Variants in ST6GAL1 observed in about 807,000 individuals in gnomAD.
The protein encoded by ST6GAL1 is beta-galactoside alpha-2,6-sialyltransferase 1.
In ST6GAL1, 20 loss-of-function variants were observed where a neutral mutation model predicts 38.0. That is an observed-to-expected ratio of 0.53 (90% CI 0.37 to 0.77). The LOEUF (loss-of-function observed/expected upper bound fraction) is 0.77, where lower values mean the gene tolerates loss of function less well. Among genes scored for constraint, ST6GAL1 ranks in the 30% least tolerant of loss-of-function variants. ST6GAL1 has a pLI of 0.00. For synonymous variants in ST6GAL1, 196 were observed against 188.2 expected (o/e 1.04, Z -0.34); for missense variants, 432 against 496.4 (o/e 0.87, Z 1.23).
chr3:187,008,902 T>G (rs1355147615), intron 2 of ST6GAL1, among the ~76,000 whole-genome samples: 4 of 152,184 alleles, frequency 2.6e-5, no homozygotes, highest in African/African-American at 9.7e-5. Flanking sequence ...CATAACATAT[T>G]TAAATATTCC....
intron 2 of ST6GAL1, among the ~76,000 whole-genome samples, chr3:187,005,872 A>C (rs561497763): frequency 2.0e-4 from 30 of 152,300 alleles, no homozygotes; most frequent in African/African-American, 6.5e-4. Context: ...GGAAGGACCG[A>C]CCAACAGGGT....
chr3:186,955,134 T>C (rs1714704583), intron 1 of ST6GAL1, among the ~76,000 whole-genome samples: 1 of 152,216 alleles, frequency 6.6e-6, no homozygotes, highest in Non-Finnish European at 1.5e-5. Flanking sequence ...AAAGATCAGA[T>C]GGTTATAGAT....
intron 2 of ST6GAL1, among the ~76,000 whole-genome samples, chr3:187,018,263 AG>A (rs1431635831): frequency 4.6e-5 from 7 of 152,060 alleles, no homozygotes; most frequent in Non-Finnish European, 7.4e-5. Context: ...TTGCCTAGTT[AG>A]GGGCTGTTGG....
chr3:187,039,487 G>C (rs529265557), intron 3 of ST6GAL1, among the ~76,000 whole-genome samples: 3 of 152,196 alleles, frequency 2.0e-5, no homozygotes, highest in Non-Finnish European at 4.4e-5. Flanking sequence ...AAGGGGAGCA[G>C]GGATAGTGCG....
chr3:186,963,133 C>T (rs901819450), intron 1 of ST6GAL1, among the ~76,000 whole-genome samples: 4 of 152,070 alleles, frequency 2.6e-5, no homozygotes, highest in Non-Finnish European at 4.4e-5. Flanking sequence ...AACAAATGCC[C>T]TCTATTCAGG....
At chr3:186,931,841 C>G (rs998286988) in intron 1 of ST6GAL1, among the ~76,000 whole-genome samples, 1 of 152,218 alleles carries the variant, frequency 6.6e-6, no homozygotes, top group Non-Finnish European at 1.5e-5. Flanking sequence ...TGGGGACGTA[C>G]AATTTTCAGT....
chr3:186,997,716 C>T (rs1338810073), intron 2 of ST6GAL1, among the ~76,000 whole-genome samples: 1 of 151,216 alleles, frequency 6.6e-6, no homozygotes, highest in Admixed American at 6.6e-5. Context: ...GCAACGGAAT[C>T]ATTGCGCTCC....
chr3:186,968,808 A>G (rs923238500), intron 2 of ST6GAL1, among the ~76,000 whole-genome samples: 2 of 152,202 alleles, frequency 1.3e-5, no homozygotes, highest in Non-Finnish European at 2.9e-5. Flanking sequence ...TCATTTGTGG[A>G]AAAAAATGTT....
At chr3:187,015,755 G>C (rs957710112) in intron 2 of ST6GAL1, among the ~76,000 whole-genome samples, 3 of 152,046 alleles carry the variant, frequency 2.0e-5, no homozygotes, top group African/African-American at 7.2e-5. Flanking sequence ...GGGAGGATTG[G>C]TGGAGGCTGG....
At chr3:187,006,000 G>A (rs1456410295) in intron 2 of ST6GAL1, 2 of 152,342 alleles carry the variant, frequency 1.3e-5, no homozygotes, top group African/African-American at 4.8e-5. Flanking sequence ...TGCAAGTGGG[G>A]TGAGCCAACC....
At chr3:187,067,178 C>T (rs1226131205) in intron 5 of ST6GAL1, among the ~76,000 whole-genome samples, 20 of 145,808 alleles carry the variant, frequency 1.4e-4, no homozygotes, top group African/African-American at 4.8e-4. Context: ...CCTCTGCCTC[C>T]GGGGTTCAAG....
Position 186,947,646 on chromosome 3 carries a change from A to T in ST6GAL1, c.-324-16139A>T, listed in dbSNP as rs759719017. ...AGGTAAATTTTTAGGTAAATATAAG[A>T]GCCTACATGATGGTCCAGACTCCAC... On this transcript the variant is annotated intron_variant, in intron 1 of 7. Transcript: ENST00000169298. 2.1e-4 allele frequency among the ~76,000 whole-genome samples: 32 copies of T among 152,330 alleles called. No individual in the cohort carries two copies. In the Middle Eastern group the frequency reaches 0.01, roughly 49 times the overall value.
intron 2 of ST6GAL1, among the ~76,000 whole-genome samples, chr3:187,005,410 G>A (rs1216931000): frequency 1.3e-5 from 2 of 151,750 alleles, no homozygotes; most frequent in African/African-American, 4.8e-5. Flanking sequence ...CCGGTAGCTG[G>A]GACTACAGGT....
At chr3:187,016,085 A>G (rs958223008) in intron 2 of ST6GAL1, among the ~76,000 whole-genome samples, 1 of 152,200 alleles carries the variant, frequency 6.6e-6, no homozygotes, top group Non-Finnish European at 1.5e-5. Flanking sequence ...GGAGGCAATC[A>G]CAGTCACTTT....
intron 2 of ST6GAL1, among the ~76,000 whole-genome samples, chr3:186,988,968 A>G (rs1417899391): frequency 1.3e-5 from 2 of 152,096 alleles, no homozygotes; most frequent in Non-Finnish European, 2.9e-5. Flanking sequence ...AAAAAAGGCT[A>G]GTGCACCTGA....
At chr3:187,042,306 C>A (rs1718151441) in intron 3 of ST6GAL1, among the ~76,000 whole-genome samples, 1 of 151,800 alleles carries the variant, frequency 6.6e-6, no homozygotes, top group African/African-American at 2.4e-5. Flanking sequence ...TTTCTGACTT[C>A]AAGAAACTCA....
chr3:187,064,811 G>A (rs1205788729), intron 5 of ST6GAL1, among the ~76,000 whole-genome samples: 2 of 152,018 alleles, frequency 1.3e-5, no homozygotes, highest in Admixed American at 1.3e-4. Context: ...TTTTGTCCTG[G>A]TCAGTTATCC....
chr3:187,031,312 C>T (rs1717741840), intron 2 of ST6GAL1, among the ~76,000 whole-genome samples: 1 of 152,190 alleles, frequency 6.6e-6, no homozygotes, highest in Non-Finnish European at 1.5e-5. Context: ...TTTAGAGTGC[C>T]ATTCTACTTA....
chr3:187,011,461 A>G (rs1408487245), intron 2 of ST6GAL1, among the ~76,000 whole-genome samples: 3 of 152,198 alleles, frequency 2.0e-5, no homozygotes, highest in Non-Finnish European at 4.4e-5. Context: ...CAGTGCAATC[A>G]TGAACTGTGA....
Sources: allele counts gnomAD v4.1 joint callset (sites outside exome capture counted in the v4.1 genomes callset), GRCh38; gene constraint gnomAD v4.1.1; transcripts MANE v1.5; gene names NCBI Gene and HGNC (gene_info 2026-07-23, HGNC 2026-07-21).